Variants in DPYSL2 observed in about 807,000 individuals in gnomAD.
DPYSL2 encodes the protein dihydropyrimidinase like 2.
Under a neutral mutation model 69.9 loss-of-function variants are expected in DPYSL2, and 13 were observed. The observed-to-expected ratio is 0.19, with a 90% CI of 0.12 to 0.30. The LOEUF (loss-of-function observed/expected upper bound fraction) is 0.30. DPYSL2 is among the 10% of genes least tolerant of loss of function. The probability of loss-of-function intolerance (pLI) is 1.00; values close to 1 mark genes in which losing one functional copy is unlikely to be tolerated. For synonymous variants in DPYSL2, 326 were observed against 359.1 expected (o/e 0.91, Z 1.04); for missense variants, 587 against 918.9 (o/e 0.64, Z 4.67).
At chr8:26,556,338 A>ATAGTATATATATG (rs1261098829) in intron 1 of DPYSL2, among the ~76,000 whole-genome samples, 7 of 22,586 alleles carry the variant, frequency 3.1e-4, no homozygotes, top group Non-Finnish European at 5.2e-4. Context: ...GTATATATAT[A>ATAGTATATATATG]GTATATATAT....
At position 26,597,894 on chromosome 8, in the gene DPYSL2, A is replaced by G. The variant is rs2129801069; in HGVS notation, c.628+13911A>G. Among the ~76,000 whole-genome samples the G allele has an allele frequency of 6.6e-6, 1 of 152,030 alleles. No homozygotes were observed. Among genetic ancestry groups the G allele is most frequent in the South Asian group, 2.1e-4 (1 of 4,810 alleles). ...CTTTATGGAGATAATCCAGGGAGAA[A>G]CATGAAGTGTAATGGAAAGAATTTG... On this transcript the variant is annotated intron_variant, in intron 3 of 13. Coordinates refer to ENST00000521913, the MANE Select transcript of DPYSL2 (RefSeq NM_001197293.3). This position sits in a 1 kb window ranked among gnomAD's most constrained non-coding sequence, Gnocchi z 5.2.
At chr8:26,645,327 G>T (rs891833278) in intron 10 of DPYSL2, among the ~76,000 whole-genome samples, 1 of 152,042 alleles carries the variant, frequency 6.6e-6, no homozygotes, top group Non-Finnish European at 1.5e-5. Context: ...CTGAGCCTTG[G>T]GAGGTTGAGG....
intron 3 of DPYSL2, among the ~76,000 whole-genome samples, chr8:26,607,904 C>T (rs1176007563): frequency 6.6e-6 from 1 of 151,790 alleles, no homozygotes; most frequent in Non-Finnish European, 1.5e-5. Context: ...ACGGTGAAAC[C>T]CTGTCCCTAC....
At position 26,652,202 on chromosome 8, in the gene DPYSL2, G is replaced by T; in HGVS notation, c.1597-55G>T. The T allele has an allele frequency of 6.5e-7, 1 of 1,532,140 alleles. No homozygotes were observed. The highest frequency in any genetic ancestry group is 1.3e-5 in the South Asian group (1 of 79,784). 94.9% of individuals were successfully genotyped at this position (1,532,140 alleles called of 1,614,324 possible). A position where few individuals can be genotyped will look rare whatever the true frequency, so the allele number is the denominator to read the frequency against. On this transcript the variant is annotated intron_variant, in intron 11 of 13. Transcript: ENST00000521913. The surrounding 1 kb of genome is among the most constrained non-coding windows in gnomAD (Gnocchi z 6.3). Reference sequence around the variant, plus strand: ...GTTGGGGCAGTGGGTGCTGCCGGGTGGATTGAGTCCAGCCAGAGTGGCCTG... The same window carrying T: ...GTTGGGGCAGTGGGTGCTGCCGGGTTGATTGAGTCCAGCCAGAGTGGCCTG...
chr8:26,522,535 A>G (rs1486041965), intron 1 of DPYSL2, among the ~76,000 whole-genome samples: 3 of 152,224 alleles, frequency 2.0e-5, no homozygotes, highest in Non-Finnish European at 2.9e-5. Context: ...TTTTGGTTAT[A>G]ACCATCACGT....
chr8:26,607,937 C>T (rs566513224), intron 3 of DPYSL2, among the ~76,000 whole-genome samples: 1 of 151,908 alleles, frequency 6.6e-6, no homozygotes, highest in African/African-American at 2.4e-5. Context: ...ATTAGCCGGG[C>T]ATAGTGGCAC....
chr8:26,575,379 A>G (rs1282946037), intron 1 of DPYSL2, among the ~76,000 whole-genome samples: 2 of 152,034 alleles, frequency 1.3e-5, no homozygotes, highest in Non-Finnish European at 2.9e-5. Context: ...TCATCAGTGC[A>G]AAGCAGGTGG....
intron 1 of DPYSL2, among the ~76,000 whole-genome samples, chr8:26,552,966 A>G (rs775805470): frequency 6.6e-6 from 1 of 152,220 alleles, no homozygotes; most frequent in Non-Finnish European, 1.5e-5. Flanking sequence ...GAAATGAAAG[A>G]CAGGCCATCA....
chr8:26,612,300 A>T (rs1802247899), intron 3 of DPYSL2, among the ~76,000 whole-genome samples: 1 of 152,226 alleles, frequency 6.6e-6, no homozygotes, highest in East Asian at 1.9e-4. Flanking sequence ...CTGTATGAAG[A>T]ACCATAGTTC....
Position 26,621,267 on chromosome 8 carries a change from G to T in DPYSL2, c.629-2876G>T, listed in dbSNP as rs1293163587. ...TTATTAACTTTCCCTAAAATTTTCTGTATTTTTGAAATTTTCTACTCAAAG... is the reference window on the plus strand; with the variant it reads ...TTATTAACTTTCCCTAAAATTTTCTTTATTTTTGAAATTTTCTACTCAAAG... On this transcript the variant is annotated intron_variant, in intron 3 of 13. Transcript: ENST00000521913. The surrounding 1 kb of genome is among the most constrained non-coding windows in gnomAD (Gnocchi z 4.9). Among the ~76,000 whole-genome samples the T allele has an allele frequency of 3.9e-5, 6 of 152,154 alleles. No homozygotes were observed. The highest frequency in any genetic ancestry group is 8.8e-5 in the Non-Finnish European group (6 of 68,024).
intron 3 of DPYSL2, among the ~76,000 whole-genome samples, chr8:26,622,102 C>T (rs950226175): frequency 2.8e-5 from 1 of 36,032 alleles, no homozygotes; most frequent in Non-Finnish European, 7.5e-5. Flanking sequence ...TCCTTCCTTC[C>T]TTCCTTCCTT....
chr8:26,634,148 G>A (rs1376756411), intron 7 of DPYSL2, among the ~76,000 whole-genome samples: 1 of 152,228 alleles, frequency 6.6e-6, no homozygotes, highest in African/African-American at 2.4e-5. Context: ...AGAGTTTCTA[G>A]CCTGTGAGTT....
chr8:26,622,703 A>G (rs942736339), intron 3 of DPYSL2, among the ~76,000 whole-genome samples: 1 of 152,150 alleles, frequency 6.6e-6, no homozygotes, highest in Non-Finnish European at 1.5e-5. Context: ...GGGTTTCACC[A>G]TGTTGGCCAG....
rs543250015 is a variant in DPYSL2, at chr8:26,537,446, GA to G, written c.354+22774del. Among the ~76,000 whole-genome samples the G allele has an allele frequency of 1.8e-3, 278 of 152,124 alleles. 1 individual carries two copies. The highest frequency in any genetic ancestry group is 3.1e-3 in the Non-Finnish European group (213 of 67,988). The stretch of plus-strand genomic sequence containing the variant: ...GCTATTATTTATCCAATATTGTGTA[GA>G]AAAAAATTGCTTGTGCTTTTAAAGC... On this transcript the variant is annotated intron_variant, in intron 1 of 13. Transcript: ENST00000521913.
chr8:26,603,198 G>T lies in DPYSL2; in HGVS notation c.628+19215G>T, dbSNP rs1802032695. On this transcript the variant is annotated intron_variant, in intron 3 of 13. Transcript: ENST00000521913. ...ATTTTTATTATTTTTTTTGAGACAG[G>T]GTCTCGCTCTATCTCCCAGGCTGGA... Among the ~76,000 whole-genome samples, 9 of 151,704 alleles carry T rather than the reference G, an allele frequency of 5.9e-5. No homozygotes were observed. In the South Asian group the frequency reaches 1.9e-3, roughly 32 times the overall value.
At position 26,562,484 on chromosome 8, in the gene DPYSL2, G is replaced by A. The variant is rs1300346025; in HGVS notation, c.355-19485G>A. Among the ~76,000 whole-genome samples, 1 of 152,064 alleles carries A rather than the reference G, an allele frequency of 6.6e-6. No individual in the cohort carries two copies. The highest frequency in any genetic ancestry group is 1.5e-5 in the Non-Finnish European group (1 of 68,016). On this transcript the variant is annotated intron_variant, in intron 1 of 13. Transcript: ENST00000521913. This position sits in a 1 kb window ranked among gnomAD's most constrained non-coding sequence, Gnocchi z 4.9. ...TACTGGTTGCCTCTGTTTGACCCTT[G>A]CACCACCACACTACAGCTGGAATAA...
rs1803299951 is a variant in DPYSL2 at position 26,652,570 on chromosome 8, T to G, written c.1776+134T>G. The stretch of plus-strand genomic sequence containing the variant: ...TTCCAGGGATAAGAGGGAGCCTGAA[T>G]TTTTTATTCCTGGCATTTAAAATAC... On this transcript the variant is annotated intron_variant, in intron 12 of 13. Transcript: ENST00000521913. This position sits in a 1 kb window ranked among gnomAD's most constrained non-coding sequence, Gnocchi z 6.3. The G allele has an allele frequency of 3.1e-6, 3 of 972,294 alleles. No individual in the cohort carries two copies. Among genetic ancestry groups the G allele is most frequent in the Non-Finnish European group, 4.4e-6 (3 of 675,628 alleles). 60.2% of individuals were successfully genotyped at this position (972,294 alleles called of 1,614,324 possible).
At chr8:26,608,839 G>A (rs1802164404) in intron 3 of DPYSL2, among the ~76,000 whole-genome samples, 1 of 152,190 alleles carries the variant, frequency 6.6e-6, no homozygotes, top group Non-Finnish European at 1.5e-5. Context: ...ATCAAATTAT[G>A]TTGGCTTTAG....
Position 26,643,148 on chromosome 8 carries a change from A to G in DPYSL2, c.1127-291A>G. On this transcript the variant is annotated intron_variant, in intron 8 of 13. Coordinates refer to ENST00000521913, the MANE Select transcript of DPYSL2 (RefSeq NM_001197293.3). The surrounding 1 kb of genome is among the most constrained non-coding windows in gnomAD (Gnocchi z 6.5). ...GAGCAGGAGATTAATGGAATTGAAA[A>G]TCAGCAACGTAGGAGACAGAAGCCT... 3.1e-6 allele frequency: 1 copy of G among 325,296 alleles called. No homozygotes were observed. Among genetic ancestry groups the G allele is most frequent in the Non-Finnish European group, 5.6e-6 (1 of 179,674 alleles). 20.2% of individuals were successfully genotyped at this position (325,296 alleles called of 1,614,324 possible).
Sources: gnomAD v4.1 joint callset for allele counts (sites outside exome capture counted in the v4.1 genomes callset) on GRCh38, gnomAD v4.1.1 for gene constraint, Gnocchi (gnomAD v3.1) non-coding constraint, MANE v1.5 for transcripts, NCBI Gene and HGNC (gene_info 2026-07-23, HGNC 2026-07-21) for gene names.